KIRREL3: variants seen among roughly 807,000 people sequenced by gnomAD.
The protein encoded by KIRREL3 is kirre like nephrin family adhesion molecule 3, also known as kin of IRRE-like protein 3.
In KIRREL3, 36 loss-of-function variants were observed where a neutral mutation model predicts 89.7. The observed-to-expected ratio is 0.40, with a 90% CI of 0.31 to 0.53. The LOEUF is 0.53. Among genes scored for constraint, KIRREL3 ranks in the 20% least tolerant of loss-of-function variants. The pLI is 0.49. For synonymous variants in KIRREL3, 445 were observed against 441.4 expected, an observed-to-expected ratio of 1.01 and a Z score of -0.10; for missense variants, 864 against 1,056.6, an observed-to-expected ratio of 0.82 and a Z score of 2.53.
chr11:126,566,178 G>A lies in KIRREL3; in HGVS notation c.56-3266C>T, dbSNP rs1940506349. On this transcript the variant is annotated intron_variant, in intron 1 of 16. Transcript: ENST00000525144. This position sits in a 1 kb window ranked among gnomAD's most constrained non-coding sequence, Gnocchi z 4.9. The stretch of plus-strand genomic sequence containing the variant: ...GAAAGGAGTCAGCCCTGGCTTAAAA[G>A]GAAAGTTCATAGCAAGGAAGTCCAG... Among the ~76,000 whole-genome samples, 1 of 152,180 alleles carries A rather than the reference G, an allele frequency of 6.6e-6. No homozygotes were observed. Among genetic ancestry groups the A allele is most frequent in the Admixed American group, 6.5e-5 (1 of 15,274 alleles).
chr11:126,479,058 G>A (rs911130053), intron 4 of KIRREL3, among the ~76,000 whole-genome samples: 2 of 152,158 alleles, frequency 1.3e-5, no homozygotes, highest in African/African-American at 4.8e-5. Flanking sequence ...GGGAGAGGGC[G>A]GCAGGCCGAG....
chr11:126,967,946 T>C (rs1021169620), intron 1 of KIRREL3, among the ~76,000 whole-genome samples: 3 of 152,168 alleles, frequency 2.0e-5, no homozygotes, highest in African/African-American at 4.8e-5. Context: ...GTCAGATTTA[T>C]AGTAAGAGGA....
rs995358947 is a variant in KIRREL3, at chr11:126,463,477, C to T, written c.592-170G>A. Among the ~76,000 whole-genome samples the T allele has an allele frequency of 6.6e-6, 1 of 152,182 alleles. No homozygotes were observed. Among genetic ancestry groups the T allele is most frequent in the African/African-American group, 2.4e-5 (1 of 41,442 alleles). On this transcript the variant is annotated intron_variant, in intron 5 of 16. Transcript: ENST00000525144. This position sits in a 1 kb window ranked among gnomAD's most constrained non-coding sequence, Gnocchi z 5.9. ...TGTCTACGCAGAGCTCGGGGGTTAC[C>T]CCCTGGCTCCCTGGCCTGGCTAAGT...
chr11:126,902,370 A>G (rs1056218868), intron 1 of KIRREL3, among the ~76,000 whole-genome samples: 1 of 152,174 alleles, frequency 6.6e-6, no homozygotes, highest in Non-Finnish European at 1.5e-5. Context: ...ATTTATTCCA[A>G]TTCTTTGGAT....
chr11:126,517,622 C>T (rs1164860453), intron 4 of KIRREL3, among the ~76,000 whole-genome samples: 1 of 152,182 alleles, frequency 6.6e-6, no homozygotes, highest in Non-Finnish European at 1.5e-5. Flanking sequence ...GCTGTTTAAG[C>T]CACCCTAATC....
chr11:126,663,273 C>A (rs956754625), intron 1 of KIRREL3, among the ~76,000 whole-genome samples: 5 of 148,664 alleles, frequency 3.4e-5, no homozygotes, highest in African/African-American at 1.0e-4. Context: ...GCAAACTCTG[C>A]CTCCCGGGGT....
At chr11:126,449,202 C>T (rs1447413776) in intron 7 of KIRREL3, 45 bp from the exon 8 acceptor site, 3 of 1,605,054 alleles carry the variant, frequency 1.9e-6, no homozygotes, top group East Asian at 4.5e-5. Context: ...AGTGGCAAGG[C>T]CAACCCTCCG....
intron 4 of KIRREL3, among the ~76,000 whole-genome samples, chr11:126,500,040 T>C (rs1049753096): frequency 1.3e-5 from 2 of 152,324 alleles, no homozygotes; most frequent in South Asian, 4.1e-4. Context: ...AATGTATTAA[T>C]GGGAAGCTTC....
chr11:126,692,070 G>A (rs935130031), intron 1 of KIRREL3, among the ~76,000 whole-genome samples: 1 of 152,122 alleles, frequency 6.6e-6, no homozygotes, highest in South Asian at 2.1e-4. Context: ...CACTGTTGGT[G>A]GTGTTGTAAA....
In KIRREL3 at chr11:126,558,529, C is replaced by A. The variant is rs531107869; in HGVS notation, c.133+4306G>T. ...TGGGCTGTGGTCCTGGCTCTTCCAG[C>A]CACTTCATATGGGCCCCGGGCAAGT... On this transcript the variant is annotated intron_variant, in intron 2 of 16. Coordinates refer to ENST00000525144, the MANE Select transcript of KIRREL3 (RefSeq NM_032531.4). This position sits in a 1 kb window ranked among gnomAD's most constrained non-coding sequence, Gnocchi z 4.0. 6.6e-6 allele frequency among the ~76,000 whole-genome samples: 1 copy of A among 151,094 alleles called. No homozygotes were observed. The highest frequency in any genetic ancestry group is 2.5e-5 in the African/African-American group (1 of 40,464).
intron 1 of KIRREL3, among the ~76,000 whole-genome samples, chr11:126,650,228 C>T (rs555134756): frequency 3.4e-4 from 52 of 152,384 alleles, no homozygotes; most frequent in Middle Eastern, 6.8e-3. Context: ...ACGAAAACCT[C>T]TGACATGCCC....
chr11:126,659,616 G>C (rs372150543), intron 1 of KIRREL3, among the ~76,000 whole-genome samples: 62 of 152,302 alleles, frequency 4.1e-4, no homozygotes, highest in Middle Eastern at 3.4e-3. Context: ...GAGGATTAAA[G>C]GTCATGAAAA....
chr11:126,506,091 C>T lies in KIRREL3; in HGVS notation c.433+15224G>A, dbSNP rs947253418. On this transcript the variant is annotated intron_variant, in intron 4 of 16. Transcript: ENST00000525144. ...CTGTATGCAAAAATGAATTTAGGGC[C>T]TTCACAAATCACTAAAACTTAAAAT... Among the ~76,000 whole-genome samples, 28 of 152,118 alleles carry T rather than the reference C, an allele frequency of 1.8e-4. 1 individual carries two copies. The highest frequency in any genetic ancestry group is 1.6e-3 in the Admixed American group (24 of 15,272).
At chr11:126,649,225 G>A (rs920098560) in intron 1 of KIRREL3, among the ~76,000 whole-genome samples, 2 of 152,112 alleles carry the variant, frequency 1.3e-5, no homozygotes, top group Non-Finnish European at 2.9e-5. Context: ...AATTCAAGAT[G>A]GGATTTGGGT....
At position 126,682,015 on chromosome 11, in the gene KIRREL3, G is replaced by C; in HGVS notation, c.56-119103C>G. On this transcript the variant is annotated intron_variant, in intron 1 of 16. Coordinates refer to ENST00000525144, the MANE Select transcript of KIRREL3 (RefSeq NM_032531.4). The surrounding 1 kb of genome is among the most constrained non-coding windows in gnomAD (Gnocchi z 4.8). ...AATCAGGAGACCAGATGTCAAGACT[G>C]GACTACATCTTTATATTCATTTCCA... 1 of 372,568 alleles carries C rather than the reference G, an allele frequency of 2.7e-6. No individual in the cohort carries two copies. The highest frequency in any genetic ancestry group is 5.3e-6 in the Non-Finnish European group (1 of 187,988). 23.1% of individuals were successfully genotyped at this position (372,568 alleles called of 1,614,324 possible).
intron 1 of KIRREL3, among the ~76,000 whole-genome samples, chr11:126,963,458 C>T (rs548320538): frequency 2.0e-4 from 30 of 152,228 alleles, no homozygotes; most frequent in African/African-American, 6.3e-4. Context: ...TATCATAAGA[C>T]GTGTTGGACA....
At chr11:126,964,606 C>T (rs1464339314) in intron 1 of KIRREL3, among the ~76,000 whole-genome samples, 3 of 152,300 alleles carry the variant, frequency 2.0e-5, no homozygotes, top group Admixed American at 6.5e-5. Context: ...AGCAACCTCA[C>T]CCCCTGAGGG....
Position 126,645,242 on chromosome 11 carries a change from T to C in KIRREL3, c.56-82330A>G, listed in dbSNP as rs150029340. Among the ~76,000 whole-genome samples, 4,319 of 152,314 alleles carry C rather than the reference T, an allele frequency of 0.028. 84 individuals are homozygous for C. Among genetic ancestry groups the C allele is most frequent in the Middle Eastern group, 0.088 (26 of 294 alleles). ...AAATGCTAATGAAATATTCTCAACT[T>C]GAGTTCCCTGCGGTTGTGGTCATGG... On this transcript the variant is annotated intron_variant, in intron 1 of 16. Coordinates refer to ENST00000525144, the MANE Select transcript of KIRREL3 (RefSeq NM_032531.4). This position sits in a 1 kb window ranked among gnomAD's most constrained non-coding sequence, Gnocchi z 4.9.
At position 126,612,613 on chromosome 11, in the gene KIRREL3, G is replaced by T. The variant is rs1010222867; in HGVS notation, c.56-49701C>A. ...GCAACCATGGCCATGACCTCATTTT[G>T]GAACAATTTCATCGCCCCCAAAATA... On this transcript the variant is annotated intron_variant, in intron 1 of 16. Coordinates refer to ENST00000525144, the MANE Select transcript of KIRREL3 (RefSeq NM_032531.4). The surrounding 1 kb of genome is among the most constrained non-coding windows in gnomAD (Gnocchi z 4.5). Among the ~76,000 whole-genome samples the T allele has an allele frequency of 6.6e-6, 1 of 152,120 alleles. No homozygotes were observed. The highest frequency in any genetic ancestry group is 2.1e-4 in the South Asian group (1 of 4,822).
Sources: gnomAD v4.1 joint callset for allele counts (sites outside exome capture counted in the v4.1 genomes callset) on GRCh38, gnomAD v4.1.1 for gene constraint, Gnocchi (gnomAD v3.1) non-coding constraint, MANE v1.5 for transcripts, NCBI Gene and HGNC (gene_info 2026-07-23, HGNC 2026-07-21) for gene names.